The following DGKZ variants were observed in gnomAD, a reference collection of about 807,000 sequenced individuals.
DGKZ encodes the protein diacylglycerol kinase zeta, also known as DAG kinase zeta.
In DGKZ, 45 loss-of-function variants were observed where a neutral mutation model predicts 142.5. The observed-to-expected ratio is 0.32, with a 90% CI of 0.25 to 0.40. The LOEUF is 0.40. DGKZ is among the 10% of genes least tolerant of loss of function. The pLI is 1.00. For missense variants in DGKZ, 755 were observed against 1,306.5 expected, an observed-to-expected ratio of 0.58 and a Z score of 6.51; for synonymous variants, 442 against 527.0, an observed-to-expected ratio of 0.84 and a Z score of 2.21.
rs1940859906 is a variant in DGKZ, at chr11:46,347,884, G to A, written c.161+64G>A. 2 of 1,266,462 alleles carry A rather than the reference G, an allele frequency of 1.6e-6. No individual in the cohort carries two copies. The highest frequency in any genetic ancestry group is 2.0e-6 in the Non-Finnish European group (2 of 1,004,284). The allele number at this position is 1,266,462 out of a possible 1,614,324, so 78.5% of individuals were successfully genotyped here. ...GCAGGTTACCGCTCCCTCACCGGGGGACATTCCTCGGCCACTGGGGGTCCG... is the reference window on the plus strand; with the variant it reads ...GCAGGTTACCGCTCCCTCACCGGGGAACATTCCTCGGCCACTGGGGGTCCG... On this transcript the variant is annotated intron_variant, in intron 1 of 30. Transcript: ENST00000527911. The surrounding 1 kb of genome is among the most constrained non-coding windows in gnomAD (Gnocchi z 6.4).
chr11:46,375,393 GC>G, intron 19 of DGKZ, 38 bp from the exon 20 acceptor site: 1 of 1,536,800 alleles, frequency 6.5e-7, no homozygotes, highest in Non-Finnish European at 8.7e-7. Flanking sequence ...CCTGCCCCCA[GC>G]CCTGGTGCCA....
chr11:46,342,999 C>T (rs1256195770), upstream of DGKZ, among the ~76,000 whole-genome samples: 1 of 152,120 alleles, frequency 6.6e-6, no homozygotes, highest in Non-Finnish European at 1.5e-5. Context: ...TAGCGCACGC[C>T]TGTGATCCAA....
chr11:46,367,527 G>T lies in DGKZ; in HGVS notation c.271-125G>T. ...AAGGGTTGGGACAGTGGGGCAGACG[G>T]AACAGAGCAGGGTCGATCGGGGCGC... On this transcript the variant is annotated intron_variant, in intron 2 of 30. Transcript: ENST00000527911. The surrounding 1 kb of genome is among the most constrained non-coding windows in gnomAD (Gnocchi z 4.1). The T allele has an allele frequency of 7.7e-7, 1 of 1,292,632 alleles. No individual in the cohort carries two copies. Among genetic ancestry groups the T allele is most frequent in the South Asian group, 1.4e-5 (1 of 71,312 alleles). The allele number at this position is 1,292,632 out of a possible 1,614,324, so 80.1% of individuals were successfully genotyped here.
At position 46,372,285 on chromosome 11, in the gene DGKZ, C is replaced by T; in HGVS notation, c.927+115C>T. ...GGCTTCTACCCCAATCCCTCTTTCC[C>T]AGGGATCCTGAGAAAATCCTGTCCT... On this transcript the variant is annotated intron_variant, in intron 10 of 30. Coordinates refer to ENST00000527911, the Ensembl canonical transcript of DGKZ. This position sits in a 1 kb window ranked among gnomAD's most constrained non-coding sequence, Gnocchi z 5.9. 1.5e-6 allele frequency: 2 copies of T among 1,342,308 alleles called. No homozygotes were observed. The highest frequency in any genetic ancestry group is 2.7e-5 in the South Asian group (2 of 74,132). 83.1% of individuals were successfully genotyped at this position (1,342,308 alleles called of 1,614,324 possible).
intron 6 of DGKZ, 92 bp downstream of exon 6, chr11:46,370,101 A>G: frequency 6.6e-7 from 1 of 1,520,574 alleles, no homozygotes; most frequent in South Asian, 1.1e-5. Flanking sequence ...CACTGACCAC[A>G]CCCTGGTGTG....
At position 46,347,478 on chromosome 11, in the gene DGKZ, G is replaced by T; in HGVS notation, c.-182G>T. 1 of 982,432 alleles carries T rather than the reference G, an allele frequency of 1.0e-6. No individual in the cohort carries two copies. Among genetic ancestry groups the T allele is most frequent in the Non-Finnish European group, 1.2e-6 (1 of 828,836 alleles). 60.9% of individuals were successfully genotyped at this position (982,432 alleles called of 1,614,324 possible). ...CGCGGCTGGCGGCACTTCCTGGAGCGGCGGCGGCAGCGGCTTCCCGGGCAC... is the reference window on the plus strand; with the variant it reads ...CGCGGCTGGCGGCACTTCCTGGAGCTGCGGCGGCAGCGGCTTCCCGGGCAC... On this transcript the variant is annotated 5_prime_UTR_variant, in exon 1 of 31. Transcript: ENST00000527911. This position sits in a 1 kb window ranked among gnomAD's most constrained non-coding sequence, Gnocchi z 6.4.
At chr11:46,361,773 C>T (rs901995) in intron 1 of DGKZ, 5,360 of 474,250 alleles carry the variant, frequency 0.011, 152 homozygotes, top group African/African-American at 0.075. Flanking sequence ...TGGGTGGGTG[C>T]GGGGAGGGTT....
intron 22 of DGKZ, 87 bp from the exon 23 acceptor site, chr11:46,376,241 T>C: frequency 6.2e-7 from 1 of 1,604,574 alleles, no homozygotes. Context: ...CTGCGGAGCC[T>C]CCTCTGTGCT....
intron 9 of DGKZ, 51 bp downstream of exon 9, chr11:46,371,826 G>T: frequency 6.4e-7 from 1 of 1,573,164 alleles, no homozygotes; most frequent in East Asian, 2.3e-5. Flanking sequence ...AGAGGGGTCT[G>T]TTGCTCAGGG....
At chr11:46,369,714 C>T (rs774847235) in intron 5 of DGKZ, 164 bp downstream of exon 5, 70 of 1,005,578 alleles carry the variant, frequency 7.0e-5, no homozygotes, top group Middle Eastern at 5.6e-4. Flanking sequence ...GCGCTGCCTG[C>T]GGAGTGGGTG....
chr11:46,354,929 C>T (rs982841946), intron 1 of DGKZ, among the ~76,000 whole-genome samples: 1 of 152,144 alleles, frequency 6.6e-6, no homozygotes, highest in Non-Finnish European at 1.5e-5. Flanking sequence ...AGCTTATTTG[C>T]CCAGGCTCTG....
At chr11:46,344,052 C>T (rs893975460), upstream of DGKZ, among the ~76,000 whole-genome samples, 3 of 151,928 alleles carry the variant, frequency 2.0e-5, no homozygotes, top group Admixed American at 6.6e-5. Context: ...CGAATTCAAA[C>T]GATTCTCCTG....
chr11:46,364,550 C>A (rs900553225), intron 1 of DGKZ: 1 of 985,426 alleles, frequency 1.0e-6, no homozygotes, highest in African/African-American at 1.7e-5. Context: ...CTGGAAACTC[C>A]AATAGGCAGA....
chr11:46,364,997 C>T (rs373258109), intron 1 of DGKZ: 2 of 985,456 alleles, frequency 2.0e-6, no homozygotes, highest in Non-Finnish European at 1.2e-6. Context: ...CTGGAGGCAT[C>T]GCCAGCCTGA....
At chr11:46,352,497 CCT>C (rs1941525475) in intron 1 of DGKZ, among the ~76,000 whole-genome samples, 1 of 152,216 alleles carries the variant, frequency 6.6e-6, no homozygotes, top group African/African-American at 2.4e-5. Context: ...CCTCCCGTCC[CCT>C]GAGGCCCAGG....
chr11:46,367,785 G>A lies in DGKZ; in HGVS notation c.366+38G>A. 6.2e-7 allele frequency: 1 copy of A among 1,609,686 alleles called. No homozygotes were observed. The highest frequency in any genetic ancestry group is 8.5e-7 in the Non-Finnish European group (1 of 1,177,222). ...AGGGGCACGCCGCCCCCTGCTGGTG[G>A]AGCCAGTAGCCGCAGCCCTTCCGGG... On this transcript the variant is annotated intron_variant, in intron 3 of 30. Transcript: ENST00000527911. This position sits in a 1 kb window ranked among gnomAD's most constrained non-coding sequence, Gnocchi z 4.1.
At chr11:46,365,387 C>T (rs987570741) in intron 1 of DGKZ, 23 of 985,310 alleles carry the variant, frequency 2.3e-5, no homozygotes, top group South Asian at 4.7e-5. Context: ...ACAGAGCAGT[C>T]GAGCACCAGA....
intron 1 of DGKZ, among the ~76,000 whole-genome samples, chr11:46,335,576 C>A (rs1269138855): frequency 6.6e-6 from 1 of 152,198 alleles, no homozygotes; most frequent in Non-Finnish European, 1.5e-5. Context: ...GAGGTCCCCC[C>A]AACCCCTGCC....
rs751670955 is a variant in DGKZ, at chr11:46,366,653, G to A, written c.162-638G>A. On this transcript the variant is annotated intron_variant, in intron 1 of 30. Coordinates refer to ENST00000527911, the Ensembl canonical transcript of DGKZ. ...GGATGTGGTAGCCGAGGCATCGAGC[G>A]CCATCCAGCCAGGCACCAAGACACC... The A allele has an allele frequency of 1.1e-5, 18 of 1,596,238 alleles. No homozygotes were observed. Among genetic ancestry groups the A allele is most frequent in the Admixed American group, 1.7e-5 (1 of 57,422 alleles).
Sources: gnomAD v4.1 joint callset for allele counts (sites outside exome capture counted in the v4.1 genomes callset) on GRCh38, gnomAD v4.1.1 for gene constraint, Gnocchi (gnomAD v3.1) non-coding constraint, MANE v1.5 for transcripts, NCBI Gene and HGNC (gene_info 2026-07-23, HGNC 2026-07-21) for gene names.